The following TRIO variants were observed in gnomAD, a reference collection of about 807,000 sequenced individuals.
TRIO encodes trio Rho guanine nucleotide exchange factor, also known as triple functional domain protein.
Under a neutral mutation model 351.9 loss-of-function variants are expected in TRIO, and 58 were observed. The observed-to-expected ratio is 0.16, with a 90% CI of 0.13 to 0.21. The LOEUF is 0.21. Among genes scored for constraint, TRIO ranks in the 10% least tolerant of loss-of-function variants. The pLI, the probability that TRIO is intolerant of heterozygous loss-of-function variation, is 1.00. For missense variants in TRIO, 3,201 were observed against 4,027.8 expected, an observed-to-expected ratio of 0.79 and a Z score of 5.56; for synonymous variants, 1,758 against 1,595.7, an observed-to-expected ratio of 1.10 and a Z score of -2.42.
chr5:14,292,869 A>G, intron 5 of TRIO, 143 bp from the exon 6 acceptor site: 1 of 1,185,350 alleles, frequency 8.4e-7, no homozygotes, highest in Middle Eastern at 2.0e-4. Flanking sequence ...CTTCGAAGTA[A>G]AGACTCTTCT....
intron 14 of TRIO, among the ~76,000 whole-genome samples, chr5:14,364,410 A>C (rs1744418448): frequency 6.6e-6 from 1 of 152,254 alleles, no homozygotes; most frequent in East Asian, 1.9e-4. Flanking sequence ...TCATTTGTAA[A>C]GAATGCCACA....
At chr5:14,418,371 CTG>C (rs1372547642) in intron 33 of TRIO, among the ~76,000 whole-genome samples, 1 of 152,128 alleles carries the variant, frequency 6.6e-6, no homozygotes, top group East Asian at 1.9e-4. Context: ...AACCTGGAGT[CTG>C]TGAGGGAGGA....
intron 9 of TRIO, among the ~76,000 whole-genome samples, chr5:14,327,683 C>T (rs1330284513): frequency 6.6e-6 from 1 of 152,074 alleles, no homozygotes; most frequent in Non-Finnish European, 1.5e-5. Flanking sequence ...AAAAAAAAGT[C>T]TCCTTAGCCC....
At position 14,390,320 on chromosome 5, in the gene TRIO, T is replaced by G; in HGVS notation, c.4128+20T>G. On this transcript the variant is annotated intron_variant, in intron 26 of 56. Transcript: ENST00000344204. ...ACTTGGGTAATGAAACCTCAACCATTTGTTCTCTCCCAGCTATTAGGTGAC... is the reference window on the plus strand; with the variant it reads ...ACTTGGGTAATGAAACCTCAACCATGTGTTCTCTCCCAGCTATTAGGTGAC... The G allele has an allele frequency of 3.1e-6, 5 of 1,612,442 alleles. No individual in the cohort carries two copies. The highest frequency in any genetic ancestry group is 4.2e-6 in the Non-Finnish European group (5 of 1,178,980).
chr5:14,407,976 C>T lies in TRIO; in HGVS notation c.4959+1304C>T, dbSNP rs541346675. 2.6e-5 allele frequency among the ~76,000 whole-genome samples: 4 copies of T among 152,314 alleles called. No homozygotes were observed. The East Asian group carries it at 7.7e-4, about 29-fold the overall frequency. Reference sequence around the variant, plus strand: ...TATTTATGAGCCCAGAATTGCTGAGCTTCTCATTCTCCAATGCAAGTCAGA... The same window carrying T: ...TATTTATGAGCCCAGAATTGCTGAGTTTCTCATTCTCCAATGCAAGTCAGA... On this transcript the variant is annotated intron_variant, in intron 33 of 56. Coordinates refer to ENST00000344204, the MANE Select transcript of TRIO (RefSeq NM_007118.4).
At chr5:14,151,060 G>A (rs1409118281) in intron 1 of TRIO, among the ~76,000 whole-genome samples, 4 of 152,182 alleles carry the variant, frequency 2.6e-5, no homozygotes, top group Non-Finnish European at 4.4e-5. Context: ...CATGCAGGAT[G>A]ATCTTCAGCG....
chr5:14,413,421 G>C (rs1013188087), intron 33 of TRIO, among the ~76,000 whole-genome samples: 3 of 152,134 alleles, frequency 2.0e-5, no homozygotes, highest in Non-Finnish European at 4.4e-5. Flanking sequence ...ATATGTATTG[G>C]CCACCCACTG....
chr5:14,252,188 A>G (rs1390699708), intron 1 of TRIO, among the ~76,000 whole-genome samples: 2 of 152,198 alleles, frequency 1.3e-5, no homozygotes, highest in Non-Finnish European at 2.9e-5. Flanking sequence ...CTTTGCAGAG[A>G]CTTCAGTATG....
intron 33 of TRIO, among the ~76,000 whole-genome samples, chr5:14,409,834 CA>C (rs762403574): frequency 0.26 from 21,747 of 82,098 alleles, 3,719 homozygotes; most frequent in African/African-American, 0.57. Flanking sequence ...GACTCCATCT[CA>C]AAAAAAAAAA....
intron 1 of TRIO, among the ~76,000 whole-genome samples, chr5:14,173,985 C>T (rs1386859633): frequency 6.6e-6 from 1 of 152,210 alleles, no homozygotes; most frequent in Non-Finnish European, 1.5e-5. Context: ...CCAGCGGCTG[C>T]AAGTCCATTT....
At chr5:14,148,139 A>G (rs909084799) in intron 1 of TRIO, among the ~76,000 whole-genome samples, 2 of 152,252 alleles carry the variant, frequency 1.3e-5, no homozygotes, top group African/African-American at 2.4e-5. Flanking sequence ...TAAGATTCAA[A>G]TGAAAATTTA....
At chr5:14,469,173 G>A (rs558272032) in intron 37 of TRIO, among the ~76,000 whole-genome samples, 46 of 152,264 alleles carry the variant, frequency 3.0e-4, no homozygotes, top group African/African-American at 1.0e-3. Context: ...AAGAAAAGCA[G>A]AAGGAATGAA....
At chr5:14,299,377 A>C (rs1737659626) in intron 7 of TRIO, among the ~76,000 whole-genome samples, 1 of 152,198 alleles carries the variant, frequency 6.6e-6, no homozygotes, top group African/African-American at 2.4e-5. Context: ...ATAGGAGTGA[A>C]GGGACAGTAG....
chr5:14,230,809 A>G lies in TRIO; in HGVS notation c.158-40016A>G, dbSNP rs1317905001. 1.2e-4 allele frequency among the ~76,000 whole-genome samples: 18 copies of G among 152,166 alleles called. 1 individual carries two copies. The highest frequency in any genetic ancestry group is 4.1e-4 in the South Asian group (2 of 4,826). On this transcript the variant is annotated intron_variant, in intron 1 of 56. Coordinates refer to ENST00000344204, the MANE Select transcript of TRIO (RefSeq NM_007118.4). ...GGTGTGTTGAAAATAATTTATACCA[A>G]TTGTAATTAAAGCACTGGAAATGTG...
At chr5:14,184,148 G>A (rs1364977680) in intron 1 of TRIO, among the ~76,000 whole-genome samples, 3 of 152,154 alleles carry the variant, frequency 2.0e-5, no homozygotes, top group East Asian at 1.9e-4. Flanking sequence ...AAATCCAACC[G>A]GCTAGTAACG....
chr5:14,435,020 G>T (rs114345916), intron 34 of TRIO, among the ~76,000 whole-genome samples: 8 of 152,286 alleles, frequency 5.3e-5, no homozygotes, highest in African/African-American at 1.9e-4. Context: ...CGTGCATCAC[G>T]TCAGGGGTAC....
chr5:14,336,187 A>G (rs1453776779), intron 10 of TRIO, among the ~76,000 whole-genome samples: 1 of 152,200 alleles, frequency 6.6e-6, no homozygotes, highest in Non-Finnish European at 1.5e-5. Flanking sequence ...TGGAAGAAAA[A>G]GTGAAGCAGG....
chr5:14,472,466 C>A, intron 38 of TRIO, 126 bp from the exon 39 acceptor site: 2 of 1,011,934 alleles, frequency 2.0e-6, no homozygotes, highest in Non-Finnish European at 2.9e-6. Flanking sequence ...AATTTAACAC[C>A]TAAATGTACA....
chr5:14,321,095 G>A (rs1739837912), intron 9 of TRIO, among the ~76,000 whole-genome samples: 1 of 152,228 alleles, frequency 6.6e-6, no homozygotes, highest in African/African-American at 2.4e-5. Context: ...AAAATGAAAG[G>A]TCCTATAGTA....
Sources: allele counts gnomAD v4.1 joint callset (sites outside exome capture counted in the v4.1 genomes callset), GRCh38; gene constraint gnomAD v4.1.1; transcripts MANE v1.5; gene names NCBI Gene and HGNC (gene_info 2026-07-23, HGNC 2026-07-21).